MAP2: variants seen among roughly 807,000 people sequenced by gnomAD.
The protein encoded by MAP2 is microtubule associated protein 2, also known as microtubule-associated protein 2.
In MAP2, 14 loss-of-function variants were observed where a neutral mutation model predicts 137.6. The ratio of observed to expected loss-of-function variants is 0.10; its 90% CI spans 0.07 to 0.16. MAP2 has a LOEUF of 0.16. Ranked by LOEUF, MAP2 falls within the 10% of genes least tolerant of loss-of-function variation. MAP2 has a pLI of 1.00. For synonymous variants in MAP2, 786 were observed against 782.3 expected (o/e 1.00, Z -0.08); for missense variants, 2,088 against 2,191.5 (o/e 0.95, Z 0.94).
At chr2:209,524,194 G>A (rs2063687575) in intron 2 of MAP2, among the ~76,000 whole-genome samples, 1 of 152,068 alleles carries the variant, frequency 6.6e-6, no homozygotes, top group South Asian at 2.1e-4. Flanking sequence ...ATGCATAAAG[G>A]CATTCATTTT....
intron 1 of MAP2, among the ~76,000 whole-genome samples, chr2:209,425,146 T>G (rs950318603): frequency 1.3e-5 from 2 of 152,108 alleles, no homozygotes; most frequent in Admixed American, 6.5e-5. Context: ...AAAAAATCCT[T>G]GAAAACTGGA....
intron 13 of MAP2, among the ~76,000 whole-genome samples, chr2:209,722,476 A>T (rs561078512): frequency 1.3e-5 from 2 of 152,352 alleles, no homozygotes; most frequent in East Asian, 3.9e-4. Context: ...AGAATTTTTT[A>T]ATAAGAGGAT....
intron 7 of MAP2, among the ~76,000 whole-genome samples, chr2:209,684,853 AAACT>A (rs1559552482): frequency 1.3e-5 from 2 of 152,208 alleles, no homozygotes. Context: ...CTCAAACAGC[AAACT>A]AACTGTTGTG....
intron 3 of MAP2, among the ~76,000 whole-genome samples, chr2:209,601,953 G>A (rs191286850): frequency 8.5e-5 from 13 of 152,274 alleles, no homozygotes; most frequent in African/African-American, 2.9e-4. Flanking sequence ...TGTGTGATAT[G>A]CATGAACTCT....
chr2:209,547,011 A>G (rs201961534), intron 2 of MAP2, among the ~76,000 whole-genome samples: 1 of 152,332 alleles, frequency 6.6e-6, no homozygotes, highest in East Asian at 1.9e-4. Flanking sequence ...TTAATTTGAT[A>G]CATATTTGGA....
At chr2:209,657,604 C>T (rs987872991) in intron 5 of MAP2, among the ~76,000 whole-genome samples, 9 of 151,938 alleles carry the variant, frequency 5.9e-5, no homozygotes, top group African/African-American at 1.4e-4. Flanking sequence ...TATTCATGTC[C>T]GTTGCTCACT....
intron 2 of MAP2, among the ~76,000 whole-genome samples, chr2:209,527,639 C>T (rs2064280794): frequency 6.6e-6 from 1 of 152,152 alleles, no homozygotes; most frequent in Non-Finnish European, 1.5e-5. Context: ...TGTGGCTGTG[C>T]CCTCTTAGAG....
intron 1 of MAP2, among the ~76,000 whole-genome samples, chr2:209,497,359 A>G (rs764082837): frequency 1.1e-4 from 16 of 152,168 alleles, no homozygotes; most frequent in Non-Finnish European, 2.4e-4. Context: ...GTGGCTGTCT[A>G]CAAGCCAGGA....
chr2:209,545,603 G>C (rs1025888967), intron 2 of MAP2, among the ~76,000 whole-genome samples: 2 of 152,114 alleles, frequency 1.3e-5, no homozygotes, highest in African/African-American at 2.4e-5. Flanking sequence ...TCTCTTGCAA[G>C]AGTAAAAGAT....
At chr2:209,696,503 A>G (rs183159817) in intron 8 of MAP2, 39 bp from the exon 9 acceptor site, 837 of 1,534,046 alleles carry the variant, frequency 5.5e-4, no homozygotes, top group Non-Finnish European at 6.9e-4. Flanking sequence ...TAATGTTTTC[A>G]CTGTTGTTGT....
At chr2:209,683,660 T>C (rs2055765527) in intron 7 of MAP2, among the ~76,000 whole-genome samples, 1 of 152,180 alleles carries the variant, frequency 6.6e-6, no homozygotes, top group Non-Finnish European at 1.5e-5. Flanking sequence ...TCCATCAATA[T>C]ATTGCTTATA....
intron 1 of MAP2, among the ~76,000 whole-genome samples, chr2:209,440,489 G>A (rs996413264): frequency 2.6e-5 from 4 of 151,160 alleles, no homozygotes; most frequent in Non-Finnish European, 4.4e-5. Context: ...TGACCCTCTG[G>A]GCCTTAGTTT....
intron 14 of MAP2, among the ~76,000 whole-genome samples, chr2:209,726,023 T>G (rs2073819563): frequency 6.6e-6 from 1 of 152,192 alleles, no homozygotes; most frequent in Non-Finnish European, 1.5e-5. Flanking sequence ...AAAAGGTACA[T>G]AAGACGCATT....
chr2:209,712,875 C>T (rs962351452), intron 13 of MAP2, among the ~76,000 whole-genome samples: 10 of 152,144 alleles, frequency 6.6e-5, no homozygotes, highest in Non-Finnish European at 8.8e-5. Context: ...ACATGCATAC[C>T]GTTGAAGAAA....
chr2:209,557,884 C>T (rs1383841366), intron 2 of MAP2, among the ~76,000 whole-genome samples: 3 of 152,192 alleles, frequency 2.0e-5, no homozygotes, highest in South Asian at 2.1e-4. Context: ...AAAAACTCAT[C>T]GCAGAGCTGA....
At chr2:209,436,598 T>C (rs948250845) in intron 1 of MAP2, among the ~76,000 whole-genome samples, 2 of 151,722 alleles carry the variant, frequency 1.3e-5, no homozygotes, top group East Asian at 1.9e-4. Context: ...AGATAACAAA[T>C]ACATGAAGAC....
chr2:209,506,414 G>A (rs910347086), intron 1 of MAP2, among the ~76,000 whole-genome samples: 1 of 152,128 alleles, frequency 6.6e-6, no homozygotes, highest in African/African-American at 2.4e-5. Context: ...GTCTAATAAT[G>A]AAACATTTCT....
intron 7 of MAP2, among the ~76,000 whole-genome samples, chr2:209,690,105 G>A (rs532169480): frequency 6.6e-6 from 1 of 152,126 alleles, no homozygotes; most frequent in South Asian, 2.1e-4. Context: ...AGCAAAATTT[G>A]CACATTTTAA....
intron 1 of MAP2, among the ~76,000 whole-genome samples, chr2:209,429,436 C>G (rs552522547): frequency 6.6e-6 from 1 of 151,530 alleles, no homozygotes; most frequent in East Asian, 1.9e-4. Context: ...AGTCCATTGT[C>G]TTTATGTTAG....
Sources: allele counts gnomAD v4.1 joint callset (sites outside exome capture counted in the v4.1 genomes callset), GRCh38; gene constraint gnomAD v4.1.1; transcripts MANE v1.5; gene names NCBI Gene and HGNC (gene_info 2026-07-23, HGNC 2026-07-21).